RAB8B: variants seen among roughly 807,000 people sequenced by gnomAD.
RAB8B encodes the protein RAB8B, member RAS oncogene family.
In RAB8B, 11 loss-of-function variants were observed where a neutral mutation model predicts 32.0. That is an observed-to-expected ratio of 0.34 (90% CI 0.22 to 0.57). The LOEUF is 0.57. Among genes scored for constraint, RAB8B ranks in the 20% least tolerant of loss-of-function variants. The pLI, the probability that RAB8B is intolerant of heterozygous loss-of-function variation, is 0.86. For missense variants in RAB8B, 190 were observed against 258.5 expected (o/e 0.73, Z 1.82); for synonymous variants, 103 against 89.6 (o/e 1.15, Z -0.85).
chr15:63,220,915 C>T (rs543624061), intron 1 of RAB8B, among the ~76,000 whole-genome samples: 19 of 152,258 alleles, frequency 1.2e-4, no homozygotes, highest in Admixed American at 5.9e-4. Context: ...GTGCTAGATC[C>T]TCTGCTCAAG....
chr15:63,255,856 G>T (rs2038154930), intron 4 of RAB8B, among the ~76,000 whole-genome samples: 1 of 152,230 alleles, frequency 6.6e-6, no homozygotes, highest in Admixed American at 6.5e-5. Context: ...GAATAACTGA[G>T]AACAGAAAGA....
chr15:63,191,567 G>T (rs2037556240), intron 1 of RAB8B, among the ~76,000 whole-genome samples: 1 of 152,154 alleles, frequency 6.6e-6, no homozygotes, highest in Non-Finnish European at 1.5e-5. Flanking sequence ...CAACTAAAGG[G>T]TGTTAATTTT....
At chr15:63,213,669 C>G (rs1352425631) in intron 1 of RAB8B, among the ~76,000 whole-genome samples, 9 of 151,982 alleles carry the variant, frequency 5.9e-5, no homozygotes, top group Admixed American at 6.5e-5. Context: ...TGAGTTCTTT[C>G]CAACTGCTTT....
intron 4 of RAB8B, among the ~76,000 whole-genome samples, chr15:63,256,251 C>A (rs1183694597): frequency 6.6e-6 from 1 of 152,146 alleles, no homozygotes; most frequent in Non-Finnish European, 1.5e-5. Context: ...GTCATTAGAT[C>A]ACCATAAGCT....
intron 1 of RAB8B, chr15:63,223,121 T>TTTA (rs2141122949): frequency 2.6e-6 from 1 of 391,438 alleles, no homozygotes; most frequent in East Asian, 1.0e-4. Flanking sequence ...TTATTTTTTG[T>TTTA]TATTTTTTGA....
At chr15:63,226,569 G>A (rs1027995593) in intron 1 of RAB8B, among the ~76,000 whole-genome samples, 7 of 152,102 alleles carry the variant, frequency 4.6e-5, no homozygotes, top group African/African-American at 1.7e-4. Flanking sequence ...AAGATCTGCC[G>A]TCTATGGTTG....
chr15:63,243,088 A>C (rs1367553924), intron 1 of RAB8B, among the ~76,000 whole-genome samples: 3 of 152,218 alleles, frequency 2.0e-5, no homozygotes, highest in Non-Finnish European at 2.9e-5. Flanking sequence ...TTCTCATAGG[A>C]GTGCACAACC....
chr15:63,198,129 A>G (rs901033514), intron 1 of RAB8B, among the ~76,000 whole-genome samples: 1 of 152,162 alleles, frequency 6.6e-6, no homozygotes, highest in African/African-American at 2.4e-5. Flanking sequence ...AGAGGAAGAA[A>G]TAAATCTGCT....
intron 1 of RAB8B, among the ~76,000 whole-genome samples, chr15:63,238,414 G>T (rs973389495): frequency 2.0e-5 from 3 of 152,198 alleles, no homozygotes; most frequent in South Asian, 4.2e-4. Context: ...GCACAGAGAT[G>T]TTGTGGCAGC....
intron 1 of RAB8B, among the ~76,000 whole-genome samples, chr15:63,209,646 G>T (rs1193947670): frequency 6.6e-6 from 1 of 152,080 alleles, no homozygotes; most frequent in African/African-American, 2.4e-5. Context: ...ATTTTCTGGG[G>T]AAGGGAGCCT....
intron 5 of RAB8B, among the ~76,000 whole-genome samples, chr15:63,258,714 C>T (rs1239958837): frequency 6.6e-6 from 1 of 152,176 alleles, no homozygotes; most frequent in Admixed American, 6.5e-5. Flanking sequence ...CCATGGGTTA[C>T]TTGGTTTACA....
intron 1 of RAB8B, among the ~76,000 whole-genome samples, chr15:63,243,363 G>A (rs745697880): frequency 6.6e-6 from 1 of 152,230 alleles, no homozygotes; most frequent in Non-Finnish European, 1.5e-5. Flanking sequence ...GTAGCCAGAT[G>A]ATGACGATTT....
chr15:63,249,573 C>T (rs1257850302), intron 2 of RAB8B, 72 bp from the exon 3 acceptor site: 4 of 1,409,926 alleles, frequency 2.8e-6, no homozygotes, highest in African/African-American at 2.8e-5. Context: ...ATTACATCTC[C>T]TACAGCAGGG....
chr15:63,234,366 AT>A (rs954773163), intron 1 of RAB8B, among the ~76,000 whole-genome samples: 15 of 152,314 alleles, frequency 9.8e-5, no homozygotes, highest in African/African-American at 3.4e-4. Flanking sequence ...TATGTTATTA[AT>A]ATCTGTTGAC....
intron 1 of RAB8B, among the ~76,000 whole-genome samples, chr15:63,242,278 C>G (rs915141052): frequency 6.6e-6 from 1 of 151,776 alleles, no homozygotes; most frequent in African/African-American, 2.4e-5. Flanking sequence ...TGGTTTATGT[C>G]TATGCATTGT....
chr15:63,203,639 T>C (rs183666564), intron 1 of RAB8B, among the ~76,000 whole-genome samples: 1 of 152,364 alleles, frequency 6.6e-6, no homozygotes, highest in East Asian at 1.9e-4. Flanking sequence ...GCTTACTGTA[T>C]ACCAAATTCT....
At chr15:63,197,514 C>T (rs149853492) in intron 1 of RAB8B, among the ~76,000 whole-genome samples, 9 of 151,516 alleles carry the variant, frequency 5.9e-5, no homozygotes, top group Non-Finnish European at 1.2e-4. Context: ...GCTGGGACCC[C>T]GGGTGCACAC....
Position 63,266,975 on chromosome 15 carries a change from A to G in RAB8B, c.*3356A>G, listed in dbSNP as rs1392529710. The G allele has an allele frequency of 1.3e-5, 2 of 152,596 alleles. No individual in the cohort carries two copies. Among genetic ancestry groups the G allele is most frequent in the Non-Finnish European group, 2.9e-5 (2 of 68,014 alleles). 9.5% of individuals were successfully genotyped at this position (152,596 alleles called of 1,614,324 possible). ...ATGTTGGTTAATTATTATAAATTTT[A>G]AGCACTCATTTCTGCAATCAGGTTT... On this transcript the variant is annotated 3_prime_UTR_variant, in exon 8 of 8. Coordinates refer to ENST00000321437, the MANE Select transcript of RAB8B (RefSeq NM_016530.3).
chr15:63,207,849 C>T (rs1172668924), intron 1 of RAB8B, among the ~76,000 whole-genome samples: 1 of 152,184 alleles, frequency 6.6e-6, no homozygotes, highest in Non-Finnish European at 1.5e-5. Context: ...CAGGCGTGAG[C>T]CACCGCGCCT....
Sources: allele counts gnomAD v4.1 joint callset (sites outside exome capture counted in the v4.1 genomes callset), GRCh38; gene constraint gnomAD v4.1.1; transcripts MANE v1.5; gene names NCBI Gene and HGNC (gene_info 2026-07-23, HGNC 2026-07-21).